The following KCNIP4 variants were observed in gnomAD, a reference collection of about 807,000 sequenced individuals.
The protein encoded by KCNIP4 is potassium voltage-gated channel interacting protein 4, also known as Kv channel-interacting protein 4.
KCNIP4 carries 12 observed loss-of-function variants against 34.0 expected under a neutral mutation model. The ratio of observed to expected loss-of-function variants is 0.35; its 90% confidence interval spans 0.23 to 0.57. KCNIP4 has a LOEUF of 0.57. KCNIP4 is among the 20% of genes least tolerant of loss of function. The pLI, the probability that KCNIP4 is intolerant of heterozygous loss-of-function variation, is 0.83. For synonymous variants in KCNIP4, 124 were observed against 102.2 expected, an observed-to-expected ratio of 1.21 and a Z score of -1.29; for missense variants, 238 against 311.7, an observed-to-expected ratio of 0.76 and a Z score of 1.78.
At chr4:21,053,396 C>T (rs1300001893) in intron 1 of KCNIP4, among the ~76,000 whole-genome samples, 4 of 152,042 alleles carry the variant, frequency 2.6e-5, no homozygotes, top group African/African-American at 7.2e-5. Context: ...CTACAGAAAA[C>T]GTATAGCTAA....
chr4:21,761,179 A>G (rs1465784785), intron 1 of KCNIP4, among the ~76,000 whole-genome samples: 1 of 152,028 alleles, frequency 6.6e-6, no homozygotes, highest in African/African-American at 2.4e-5. Flanking sequence ...ATAACTCACT[A>G]TAGCCTCAAA....
intron 1 of KCNIP4, among the ~76,000 whole-genome samples, chr4:20,941,390 T>G (rs1353313490): frequency 6.6e-6 from 1 of 152,080 alleles, no homozygotes; most frequent in African/African-American, 2.4e-5. Flanking sequence ...ACAAATCCAC[T>G]CCGAAGTAAA....
intron 1 of KCNIP4, among the ~76,000 whole-genome samples, chr4:21,477,366 C>G (rs1341182899): frequency 1.3e-5 from 2 of 152,080 alleles, no homozygotes; most frequent in African/African-American, 4.8e-5. Flanking sequence ...TCCTCTAGGT[C>G]TTGATAAAAA....
intron 1 of KCNIP4, among the ~76,000 whole-genome samples, chr4:20,904,974 T>G (rs988549538): frequency 1.3e-5 from 2 of 152,152 alleles, no homozygotes; most frequent in Non-Finnish European, 2.9e-5. Context: ...AAAAAAGCAT[T>G]TAAGAGAGAC....
At chr4:21,115,460 A>G (rs147554094) in intron 1 of KCNIP4, among the ~76,000 whole-genome samples, 2 of 152,342 alleles carry the variant, frequency 1.3e-5, no homozygotes, top group African/African-American at 2.4e-5. Context: ...TACAAATATA[A>G]CAAAGTATTT....
intron 1 of KCNIP4, among the ~76,000 whole-genome samples, chr4:20,982,810 C>T (rs1005595199): frequency 1.3e-5 from 2 of 152,102 alleles, no homozygotes; most frequent in Non-Finnish European, 1.5e-5. Flanking sequence ...AAAGCATAGG[C>T]AAGTTTAAAT....
chr4:21,195,879 T>A (rs1446138130), intron 1 of KCNIP4, among the ~76,000 whole-genome samples: 1 of 152,126 alleles, frequency 6.6e-6, no homozygotes, highest in Non-Finnish European at 1.5e-5. Context: ...GTTACATGAG[T>A]AACCCAGCAA....
intron 1 of KCNIP4, among the ~76,000 whole-genome samples, chr4:21,061,611 A>G (rs1196759050): frequency 1.3e-5 from 2 of 152,082 alleles, no homozygotes; most frequent in South Asian, 2.1e-4. Flanking sequence ...AACCCTGCCT[A>G]CCTCTAAATT....
Position 21,836,452 on chromosome 4 carries a change from T to C in KCNIP4, c.61+112119A>G, listed in dbSNP as rs540935613. Among the ~76,000 whole-genome samples, 5 of 152,290 alleles carry C rather than the reference T, an allele frequency of 3.3e-5. No individual in the cohort carries two copies. In the South Asian group the frequency reaches 1.0e-3, roughly 32 times the overall value. ...GATGCCAAGAGATGTCCTATTTTTT[T>C]CCAAGTTTTAACACAAGAGAATGGT... On this transcript the variant is annotated intron_variant, in intron 1 of 8. Transcript: ENST00000382152.
At chr4:21,265,346 C>A (rs566323172) in intron 1 of KCNIP4, among the ~76,000 whole-genome samples, 5 of 151,920 alleles carry the variant, frequency 3.3e-5, no homozygotes, top group African/African-American at 4.8e-5. Context: ...ACATTAAGGG[C>A]CTTGGGAAGC....
At chr4:21,923,676 A>T (rs1357032177) in intron 1 of KCNIP4, among the ~76,000 whole-genome samples, 5 of 152,138 alleles carry the variant, frequency 3.3e-5, no homozygotes, top group Non-Finnish European at 7.4e-5. Flanking sequence ...TCCTCCACGA[A>T]GTCTTCCCCT....
At chr4:21,107,487 G>A (rs1748678904) in intron 1 of KCNIP4, among the ~76,000 whole-genome samples, 1 of 150,938 alleles carries the variant, frequency 6.6e-6, no homozygotes, top group African/African-American at 2.5e-5. Context: ...TTGAGCCTAT[G>A]TGTGTCTCTG....
chr4:21,208,413 T>C (rs1757001369), intron 1 of KCNIP4, among the ~76,000 whole-genome samples: 1 of 152,174 alleles, frequency 6.6e-6, no homozygotes, highest in South Asian at 2.1e-4. Flanking sequence ...CCAATACCTA[T>C]AATCCCCTCC....
At chr4:21,818,378 T>G (rs1418194117) in intron 1 of KCNIP4, among the ~76,000 whole-genome samples, 1 of 152,222 alleles carries the variant, frequency 6.6e-6, no homozygotes, top group African/African-American at 2.4e-5. Flanking sequence ...TGCATGTTCA[T>G]GTCTTGTCAT....
At chr4:21,447,870 C>A (rs983329263) in intron 1 of KCNIP4, among the ~76,000 whole-genome samples, 2 of 152,082 alleles carry the variant, frequency 1.3e-5, no homozygotes, top group Non-Finnish European at 2.9e-5. Flanking sequence ...TGACTCACAT[C>A]CCAGGCAGGA....
chr4:21,606,675 C>T (rs535181993), intron 1 of KCNIP4, among the ~76,000 whole-genome samples: 1 of 152,222 alleles, frequency 6.6e-6, no homozygotes, highest in South Asian at 2.1e-4. Flanking sequence ...CTCACTGCAA[C>T]CTCTGCCTCC....
chr4:21,158,772 C>A (rs149240464), intron 1 of KCNIP4, among the ~76,000 whole-genome samples: 71 of 152,034 alleles, frequency 4.7e-4, no homozygotes, highest in African/African-American at 1.7e-3. Context: ...TTGTATAGTG[C>A]AGATTCTAGC....
Position 21,731,377 on chromosome 4 carries a change from C to T in KCNIP4, c.61+217194G>A, listed in dbSNP as rs116793618. ...GTTTAGACATACAGAAATACGCTTT[C>T]GACGTGATAGAGGACGGAAGGAGAG... On this transcript the variant is annotated intron_variant, in intron 1 of 8. Coordinates refer to ENST00000382152, the MANE Select transcript of KCNIP4 (RefSeq NM_025221.6). Among the ~76,000 whole-genome samples the T allele has an allele frequency of 3.6e-3, 553 of 152,122 alleles. 3 individuals carry two copies. The highest frequency in any genetic ancestry group is 0.013 in the African/African-American group (522 of 41,496).
chr4:20,941,021 C>T (rs1393423326), intron 1 of KCNIP4, among the ~76,000 whole-genome samples: 1 of 152,096 alleles, frequency 6.6e-6, no homozygotes, highest in African/African-American at 2.4e-5. Context: ...CAGTGTTACT[C>T]GGTATAATTA....
Sources: gnomAD v4.1 joint callset for allele counts (sites outside exome capture counted in the v4.1 genomes callset) on GRCh38, gnomAD v4.1.1 for gene constraint, MANE v1.5 for transcripts, NCBI Gene and HGNC (gene_info 2026-07-23, HGNC 2026-07-21) for gene names.